The following MORC1 variants were observed in gnomAD, a reference collection of about 807,000 sequenced individuals.
The protein encoded by MORC1 is MORC family CW-type zinc finger 1, also known as MORC family CW-type zinc finger protein 1.
A neutral mutation model predicts 134.9 loss-of-function variants in MORC1; 59 were observed. That is an observed-to-expected ratio of 0.44 (90% CI 0.35 to 0.54). The LOEUF (loss-of-function observed/expected upper bound fraction) is 0.54, where lower values mean the gene tolerates loss of function less well. Among genes scored for constraint, MORC1 ranks in the 20% least tolerant of loss-of-function variants. The probability of loss-of-function intolerance (pLI) is 0.00; values close to 1 mark genes in which losing one functional copy is unlikely to be tolerated. For missense variants in MORC1, 947 were observed against 1,134.5 expected (o/e 0.83, Z 2.37); for synonymous variants, 395 against 391.7 (o/e 1.01, Z -0.10).
chr3:108,979,396 A>T, intron 24 of MORC1, 119 bp downstream of exon 24: 1 of 1,102,134 alleles, frequency 9.1e-7, no homozygotes, highest in Non-Finnish European at 1.3e-6. Context: ...GACAAGTCAT[A>T]ATGTCACTCT....
At chr3:109,020,613 A>T (rs1410362592) in intron 17 of MORC1, among the ~76,000 whole-genome samples, 1 of 152,020 alleles carries the variant, frequency 6.6e-6, no homozygotes, top group Non-Finnish European at 1.5e-5. Context: ...AAAAATACAA[A>T]AAATTAGCCG....
At chr3:109,013,540 C>T (rs1339296678) in intron 17 of MORC1, among the ~76,000 whole-genome samples, 8 of 152,274 alleles carry the variant, frequency 5.3e-5, no homozygotes, top group Middle Eastern at 3.4e-3. Context: ...TTGCAGATAA[C>T]GGCTATAGCT....
chr3:109,097,507 T>C (rs1950850876), intron 6 of MORC1, among the ~76,000 whole-genome samples: 1 of 151,874 alleles, frequency 6.6e-6, no homozygotes, highest in Non-Finnish European at 1.5e-5. Flanking sequence ...ATCTCAGAGA[T>C]GACACAGAAG....
intron 23 of MORC1, among the ~76,000 whole-genome samples, chr3:108,983,065 T>C (rs1256945336): frequency 6.6e-6 from 1 of 151,916 alleles, no homozygotes; most frequent in East Asian, 1.9e-4. Flanking sequence ...AAGTATTACA[T>C]GAAATAATAT....
chr3:109,063,357 T>C (rs906245302), intron 9 of MORC1, 126 bp from the exon 10 acceptor site: 1 of 530,626 alleles, frequency 1.9e-6, no homozygotes, highest in Non-Finnish European at 3.2e-6. Context: ...ATCGAGTGAG[T>C]TGCATCCAGC....
intron 11 of MORC1, 34 bp downstream of exon 11, chr3:109,061,954 C>T: frequency 5.7e-6 from 9 of 1,591,016 alleles, no homozygotes; most frequent in African/African-American, 1.3e-5. Flanking sequence ...CACAATTTGC[C>T]ATTTAATAAG....
Position 109,032,839 on chromosome 3 carries a change from CAAAAT to C in MORC1, c.1460-19_1460-15del. The C allele has an allele frequency of 6.9e-7, 1 of 1,445,074 alleles. No individual in the cohort carries two copies. Among genetic ancestry groups the C allele is most frequent in the African/African-American group, 1.4e-5 (1 of 70,676 alleles). The allele number at this position is 1,445,074 out of a possible 1,614,324, so 89.5% of individuals were successfully genotyped here. A position where few individuals can be genotyped will look rare whatever the true frequency, so the allele number is the denominator to read the frequency against. On this transcript the variant is annotated splice_polypyrimidine_tract_variant and intron_variant, in intron 15 of 27. Coordinates refer to ENST00000232603, the MANE Select transcript of MORC1 (RefSeq NM_014429.4). ...TAAGACAAAGATCTGACAATCAAAA[CAAAAT>C]GACACAGAAAAGAGATCAGAAATGA... is the stretch of plus-strand genomic sequence containing the variant.
At chr3:108,961,486 C>A (rs192314756) in intron 27 of MORC1, among the ~76,000 whole-genome samples, 106 of 152,226 alleles carry the variant, frequency 7.0e-4, no homozygotes, top group African/African-American at 2.4e-3. Context: ...CAGGATGCTA[C>A]ATTATTTCCA....
intron 12 of MORC1, among the ~76,000 whole-genome samples, 164 bp from the exon 13 acceptor site, chr3:109,057,650 T>A (rs990802680): frequency 1.3e-5 from 2 of 152,182 alleles, no homozygotes; most frequent in Non-Finnish European, 2.9e-5. Flanking sequence ...AGCCAAGTAT[T>A]CTGCATAAAC....
intron 9 of MORC1, among the ~76,000 whole-genome samples, chr3:109,067,014 A>G (rs4450821): frequency 0.9 from 136,937 of 152,242 alleles, 62,787 homozygotes; most frequent in East Asian, 1. Flanking sequence ...CTAGTCTGAT[A>G]GGTGGGTGGG....
rs377592791 is a variant in MORC1, at chr3:109,066,434, T to C, written c.815+3198A>G. On this transcript the variant is annotated intron_variant, in intron 9 of 27. Transcript: ENST00000232603. The stretch of plus-strand genomic sequence containing the variant: ...TGGAATAGCTGGGATTACAGGTGCA[T>C]GCCACCACGCCTGGCTATGTTTTTG... Among the ~76,000 whole-genome samples the C allele has an allele frequency of 9.8e-4, 149 of 152,170 alleles. 3 individuals carry two copies. The South Asian group carries it at 0.03, about 31-fold the overall frequency.
intron 8 of MORC1, among the ~76,000 whole-genome samples, chr3:109,091,846 T>G (rs1240672336): frequency 6.6e-6 from 1 of 152,168 alleles, no homozygotes; most frequent in Non-Finnish European, 1.5e-5. Context: ...AGTGTACATG[T>G]TTTAGGTCTG....
chr3:109,049,447 G>A (rs998207018), intron 14 of MORC1, among the ~76,000 whole-genome samples: 7 of 152,152 alleles, frequency 4.6e-5, no homozygotes, highest in African/African-American at 1.7e-4. Context: ...CCTGTCCTAT[G>A]CAACAGGGTT....
intron 4 of MORC1, 76 bp downstream of exon 4, chr3:109,103,773 G>T: frequency 7.5e-7 from 1 of 1,332,926 alleles, no homozygotes; most frequent in Non-Finnish European, 1.1e-6. Context: ...TGCATAGATA[G>T]CTCAATTTAT....
chr3:109,049,060 G>A (rs1949759371), intron 14 of MORC1: 1 of 810,350 alleles, frequency 1.2e-6, no homozygotes, highest in South Asian at 5.6e-5. Flanking sequence ...GATATGAACT[G>A]TTTCTCAGAC....
At chr3:108,963,770 T>C (rs1035908100) in intron 26 of MORC1, among the ~76,000 whole-genome samples, 162 bp from the exon 27 acceptor site, 2 of 152,224 alleles carry the variant, frequency 1.3e-5, no homozygotes, top group Non-Finnish European at 2.9e-5. Flanking sequence ...GGAACTTACA[T>C]ACACTCTGAT....
At chr3:109,078,174 A>G (rs979229607) in intron 8 of MORC1, among the ~76,000 whole-genome samples, 9 of 152,124 alleles carry the variant, frequency 5.9e-5, no homozygotes, top group Admixed American at 4.6e-4. Flanking sequence ...CGAGCAATGA[A>G]GAAGAAAAAA....
intron 8 of MORC1, 81 bp downstream of exon 8, chr3:109,093,355 C>T: frequency 9.4e-7 from 1 of 1,062,146 alleles, no homozygotes; most frequent in Non-Finnish European, 1.4e-6. Context: ...CCAGTGACCT[C>T]AGACCTGGAG....
intron 8 of MORC1, among the ~76,000 whole-genome samples, chr3:109,084,341 G>T (rs1950578388): frequency 1.3e-5 from 2 of 152,090 alleles, no homozygotes; most frequent in African/African-American, 4.8e-5. Context: ...ACAATTAGTA[G>T]CATTTCTATA....
Sources: gnomAD v4.1 joint callset for allele counts (sites outside exome capture counted in the v4.1 genomes callset) on GRCh38, gnomAD v4.1.1 for gene constraint, MANE v1.5 for transcripts, NCBI Gene and HGNC (gene_info 2026-07-23, HGNC 2026-07-21) for gene names.